PIK3C2G: variants seen among roughly 807,000 people sequenced by gnomAD.
PIK3C2G encodes phosphatidylinositol-4-phosphate 3-kinase catalytic subunit type 2 gamma, also known as phosphatidylinositol 3-kinase C2 domain-containing subunit gamma.
Under a neutral mutation model 181.1 loss-of-function variants are expected in PIK3C2G, and 168 were observed. That is an observed-to-expected ratio of 0.93 (90% confidence interval 0.82 to 1.05). The LOEUF (loss-of-function observed/expected upper bound fraction) is 1.05. Among genes scored for constraint, PIK3C2G ranks in the 50% least tolerant of loss-of-function variants. PIK3C2G has a pLI of 0.00. For synonymous variants in PIK3C2G, 573 were observed against 592.2 expected (o/e 0.97, Z 0.47); for missense variants, 1,869 against 1,732.8 (o/e 1.08, Z -1.40).
rs370377807 is a variant in PIK3C2G at position 18,325,076 on chromosome 12, T to C, written c.1250T>C (p.Leu417Pro). 11 of 1,572,734 alleles carry C rather than the reference T, an allele frequency of 7.0e-6. No individual in the cohort carries two copies. In the African/African-American group the frequency reaches 1.1e-4, roughly 15 times the overall value. Residue 417 changes from leucine (L) to proline (P), a missense_variant, in exon 8 of 33, where the codon CTG becomes CCG. Leu to Pro is a moderately conservative substitution (Grantham distance 98). Coordinates refer to ENST00000538779, the MANE Select transcript of PIK3C2G (RefSeq NM_001288772.2). Reference protein sequence around the residue: ...LTLIRKYDFHLKYLLKTQENV... With the variant: ...LTLIRKYDFHPKYLLKTQENV... Reference sequence around the variant, plus strand: ...CTCATCAGAAAATATGACTTCCACCTGAAATACCTATTGAAAACCCAGGTA... The same window carrying C: ...CTCATCAGAAAATATGACTTCCACCCGAAATACCTATTGAAAACCCAGGTA...
At chr12:18,578,125 C>T (rs1456534537) in intron 29 of PIK3C2G, among the ~76,000 whole-genome samples, 1 of 152,122 alleles carries the variant, frequency 6.6e-6, no homozygotes, top group Non-Finnish European at 1.5e-5. Flanking sequence ...ATCTGTCTTG[C>T]ATTTCAATAA....
At chr12:18,529,779 T>C (rs1943446003) in intron 24 of PIK3C2G, among the ~76,000 whole-genome samples, 1 of 152,106 alleles carries the variant, frequency 6.6e-6, no homozygotes, top group African/African-American at 2.4e-5. Context: ...TGAGGGCTGG[T>C]GCTATTGGAA....
chr12:18,633,536 G>C (rs1949450981), intron 31 of PIK3C2G, among the ~76,000 whole-genome samples: 1 of 152,192 alleles, frequency 6.6e-6, no homozygotes, highest in Non-Finnish European at 1.5e-5. Flanking sequence ...TGGGCCGTTA[G>C]TGATCCTGCC....
At chr12:18,583,087 T>C (rs1946585686) in intron 29 of PIK3C2G, among the ~76,000 whole-genome samples, 1 of 152,078 alleles carries the variant, frequency 6.6e-6, no homozygotes, top group Non-Finnish European at 1.5e-5. Context: ...CAGACTGCTT[T>C]TTCATATGGA....
chr12:18,381,773 A>G lies in PIK3C2G; in HGVS notation c.1888A>G (p.Ile630Val). Reference sequence around the variant, plus strand: ...GTGTGTTGTCTTTTGCAGAAAATCCATTCTCGGGTCTATGCTGTTCAGCAT... The same window carrying G: ...GTGTGTTGTCTTTTGCAGAAAATCCGTTCTCGGGTCTATGCTGTTCAGCAT... ...CLPLFPKEKS[I>V]LGSMLFSMTL... The change falls in exon 14 of 33, where the codon ATT becomes GTT. Residue 630 changes from isoleucine (I) to valine (V), a missense_variant. Physicochemically the swap from Ile to Val is conservative, Grantham distance 29 (BLOSUM62 3). Transcript: ENST00000538779. The G allele has an allele frequency of 2.5e-6, 4 of 1,605,348 alleles. No individual in the cohort carries two copies. Among genetic ancestry groups the G allele is most frequent in the Non-Finnish European group, 3.4e-6 (4 of 1,172,170 alleles).
chr12:18,685,863 C>A, the PIK3C2G span, among the ~76,000 whole-genome samples: 1 of 145,944 alleles, frequency 6.9e-6, no homozygotes, highest in South Asian at 2.2e-4. Flanking sequence ...CACACACACA[C>A]ACACACATAC....
At chr12:18,509,145 TG>T (rs1942044951) in intron 24 of PIK3C2G, among the ~76,000 whole-genome samples, 1 of 152,062 alleles carries the variant, frequency 6.6e-6, no homozygotes, top group South Asian at 2.1e-4. Context: ...TCCACCTCCC[TG>T]GTTCAAGCAA....
chr12:18,478,986 A>ATAT (rs540018716), intron 18 of PIK3C2G, among the ~76,000 whole-genome samples: 2 of 146,606 alleles, frequency 1.4e-5, no homozygotes, highest in South Asian at 2.1e-4. Context: ...AAAAAAAAAA[A>ATAT]ATATATATAT....
chr12:18,425,045 T>A (rs1592226880), intron 18 of PIK3C2G: 1 of 181,752 alleles, frequency 5.5e-6, no homozygotes, highest in East Asian at 1.4e-4. Context: ...ATGCTGATGA[T>A]GATTCAGCAG....
intron 18 of PIK3C2G, among the ~76,000 whole-genome samples, chr12:18,453,262 G>A (rs1354297409): frequency 6.6e-6 from 1 of 152,094 alleles, no homozygotes; most frequent in Non-Finnish European, 1.5e-5. Flanking sequence ...ATATATTTAG[G>A]ATAGTTAGCT....
chr12:18,546,842 G>A (rs1368969465), intron 26 of PIK3C2G, among the ~76,000 whole-genome samples: 1 of 151,960 alleles, frequency 6.6e-6, no homozygotes. Flanking sequence ...TCAAAGACCT[G>A]TGACTCTCTT....
intron 18 of PIK3C2G, among the ~76,000 whole-genome samples, chr12:18,458,260 AT>A (rs1278885951): frequency 6.6e-6 from 1 of 152,182 alleles, no homozygotes; most frequent in African/African-American, 2.4e-5. Flanking sequence ...GAAGAAAGAA[AT>A]GTTAGTGTGA....
At chr12:18,345,024 A>T (rs1939531859) in intron 10 of PIK3C2G, among the ~76,000 whole-genome samples, 1 of 152,214 alleles carries the variant, frequency 6.6e-6, no homozygotes, top group Non-Finnish European at 1.5e-5. Flanking sequence ...TTTCCCCAAA[A>T]TATACGCTAA....
chr12:18,429,599 CT>C (rs1242918162), intron 18 of PIK3C2G, among the ~76,000 whole-genome samples: 1 of 152,096 alleles, frequency 6.6e-6, no homozygotes, highest in Admixed American at 6.6e-5. Context: ...TCCCTTCCCC[CT>C]CTTAGTCCAC....
At chr12:18,372,235 T>G (rs1942119275) in intron 13 of PIK3C2G, among the ~76,000 whole-genome samples, 1 of 151,692 alleles carries the variant, frequency 6.6e-6, no homozygotes, top group East Asian at 1.9e-4. Context: ...GTGTGTGTTG[T>G]TCTGTTATTT....
intron 31 of PIK3C2G, among the ~76,000 whole-genome samples, chr12:18,620,264 G>A (rs1241779650): frequency 1.3e-5 from 2 of 151,926 alleles, no homozygotes; most frequent in African/African-American, 4.8e-5. Context: ...TTTTTAATTT[G>A]TATAATGTTG....
intron 1 of PIK3C2G, among the ~76,000 whole-genome samples, chr12:18,249,940 AG>A (rs1159457815): frequency 1.1e-4 from 16 of 147,212 alleles, no homozygotes; most frequent in African/African-American, 4.0e-4. Flanking sequence ...AAAAAAAAAA[AG>A]CCTTTTAATA....
Position 18,598,702 on chromosome 12 carries a change from T to C in PIK3C2G, c.4087+4133T>C, listed in dbSNP as rs965192885. Among the ~76,000 whole-genome samples, 812 of 123,066 alleles carry C rather than the reference T, an allele frequency of 6.6e-3. 9 individuals are homozygous for C. The highest frequency in any genetic ancestry group is 0.021 in the African/African-American group (774 of 37,356). 80.7% of individuals were successfully genotyped at this position (123,066 alleles called of 152,430 possible). The stretch of plus-strand genomic sequence containing the variant: ...ACAGCAAAAGAAACTACCATCAGAG[T>C]GAACAGGCAACCTACAAAATGGGAG... On this transcript the variant is annotated intron_variant, in intron 30 of 32. Transcript: ENST00000538779.
At chr12:18,260,126 G>T (rs1485575878), upstream of PIK3C2G, among the ~76,000 whole-genome samples, 1 of 151,904 alleles carries the variant, frequency 6.6e-6, no homozygotes, top group Non-Finnish European at 1.5e-5. Flanking sequence ...ATCAAGATTA[G>T]ATTGTTCCTT....
Sources: allele counts gnomAD v4.1 joint callset (sites outside exome capture counted in the v4.1 genomes callset), GRCh38; gene constraint gnomAD v4.1.1; transcripts MANE v1.5; gene names NCBI Gene and HGNC (gene_info 2026-07-23, HGNC 2026-07-21).